The following DPAGT1 variants were observed in gnomAD, a reference collection of about 807,000 sequenced individuals.
DPAGT1 encodes the protein dolichyl-phosphate N-acetylglucosaminephosphotransferase 1, also known as UDP-N-acetylglucosamine--dolichyl-phosphate N-acetylglucosaminephosphotransferase.
In DPAGT1, 25 loss-of-function variants were observed where a neutral mutation model predicts 39.3. That is an observed-to-expected ratio of 0.64 (90% confidence interval 0.46 to 0.89). The LOEUF is 0.89. Ranked by LOEUF, DPAGT1 falls within the 40% of genes least tolerant of loss-of-function variation. The pLI is 0.00. For synonymous variants in DPAGT1, 193 were observed against 201.4 expected, an observed-to-expected ratio of 0.96 and a Z score of 0.36; for missense variants, 381 against 500.6, an observed-to-expected ratio of 0.76 and a Z score of 2.28.
At position 119,101,820 on chromosome 11, in the gene DPAGT1, C is replaced by T; in HGVS notation, c.-165G>A. 1.5e-5 allele frequency: 22 copies of T among 1,501,980 alleles called. No homozygotes were observed. Among genetic ancestry groups the T allele is most frequent in the Non-Finnish European group, 2.0e-5 (22 of 1,127,140 alleles). The allele number at this position is 1,501,980 out of a possible 1,614,324, so 93.0% of individuals were successfully genotyped here. A position where few individuals can be genotyped will look rare whatever the true frequency, so the allele number is the denominator to read the frequency against. On this transcript the variant is annotated 5_prime_UTR_variant, in exon 1 of 9. Transcript: ENST00000354202. ...ACTCTGACTTGAGCCGCCGTCGGGA[C>T]ACCGGGGAACCTCTCTAAGGCAACC...
rs908386371 is a variant in DPAGT1, at chr11:119,101,708, G to A, written c.-53C>T. 6 of 1,613,432 alleles carry A rather than the reference G, an allele frequency of 3.7e-6. No homozygotes were observed. The Admixed American group carries it at 6.7e-5, about 18-fold the overall frequency. ...CGCCTCTTCAGGTAACGGGCAAGCT[G>A]AGCAGCAGTCCTGAGGCCTCAGCAG... On this transcript the variant is annotated 5_prime_UTR_variant, in exon 1 of 9. Transcript: ENST00000354202.
In DPAGT1 at chr11:119,096,867, G is replaced by T; in HGVS notation, c.*131C>A. The T allele has an allele frequency of 9.1e-7, 1 of 1,103,242 alleles. No individual in the cohort carries two copies. The highest frequency in any genetic ancestry group is 1.3e-5 in the South Asian group (1 of 74,152). 68.3% of individuals were successfully genotyped at this position (1,103,242 alleles called of 1,614,324 possible). Reference sequence around the variant, plus strand: ...ATGATCACAGAGAAAGGAAAATGCTGAGAACAAAATCTGGAGGAGTATGAA... The same window carrying T: ...ATGATCACAGAGAAAGGAAAATGCTTAGAACAAAATCTGGAGGAGTATGAA... On this transcript the variant is annotated 3_prime_UTR_variant, in exon 9 of 9. Coordinates refer to ENST00000354202, the MANE Select transcript of DPAGT1 (RefSeq NM_001382.4).
Position 119,101,569 on chromosome 11 carries a change from G to A in DPAGT1, c.87C>T (p.Ile29=), listed in dbSNP as rs745996012. ...CAATGAAGTGGCCCCGGAAGGCCGG[G>A]ATGAGGGTGACTGTGGCCACAAATC... The part of the protein sequence containing the change: ...LLGFVATVTL[I]PAFRGHFIAA... The change falls in exon 1 of 9, where the codon ATC becomes ATT. Residue 29 remains isoleucine, a synonymous_variant. Coordinates refer to ENST00000354202, the MANE Select transcript of DPAGT1 (RefSeq NM_001382.4). 1.2e-6 allele frequency: 2 copies of A among 1,614,276 alleles called. No individual in the cohort carries two copies. The highest frequency in any genetic ancestry group is 1.7e-6 in the Non-Finnish European group (2 of 1,180,044).
At chr11:119,100,965 C>G in intron 2 of DPAGT1, 53 bp downstream of exon 2, 1 of 1,614,162 alleles carries the variant, frequency 6.2e-7, no homozygotes, top group East Asian at 2.2e-5. Flanking sequence ...CCAGTTCTCT[C>G]AGGTACCTCC....
intron 4 of DPAGT1, among the ~76,000 whole-genome samples, chr11:119,099,015 C>T (rs1040013763): frequency 3.9e-5 from 6 of 152,168 alleles, no homozygotes; most frequent in East Asian, 3.8e-4. Context: ...TTGGGAACCA[C>T]GGAATGTCTC....
At chr11:119,094,825 G>C, downstream of DPAGT1, 1 of 908,672 alleles carries the variant, frequency 1.1e-6, no homozygotes, top group Non-Finnish European at 1.6e-6. Context: ...CGAGGGGAGG[G>C]GAGGGGAAGG....
rs986527253 is a variant in DPAGT1, at chr11:119,099,231, C to T, written c.644-744G>A. ...CCTGAGGTCAGGAGTTCGAGACCAGCCTGACCAACATGGAGAAACCCCGTC... is the reference window on the plus strand; with the variant it reads ...CCTGAGGTCAGGAGTTCGAGACCAGTCTGACCAACATGGAGAAACCCCGTC... On this transcript the variant is annotated intron_variant, in intron 4 of 8. Coordinates refer to ENST00000354202, the MANE Select transcript of DPAGT1 (RefSeq NM_001382.4). Among the ~76,000 whole-genome samples, 3 of 151,888 alleles carry T rather than the reference C, an allele frequency of 2.0e-5. No individual in the cohort carries two copies. The South Asian group carries it at 6.2e-4, about 32-fold the overall frequency.
chr11:119,096,176 T>G (rs1271123605), downstream of DPAGT1, among the ~76,000 whole-genome samples: 1 of 152,176 alleles, frequency 6.6e-6, no homozygotes, highest in Non-Finnish European at 1.5e-5. Flanking sequence ...TTGCCCAGGC[T>G]GTCTTGAATT....
rs773623306 is a variant in DPAGT1 at position 119,100,380 on chromosome 11, C to A, written c.525G>T (p.Leu175=). 1.9e-6 allele frequency: 3 copies of A among 1,614,104 alleles called. No homozygotes were observed. The Admixed American group carries it at 5.0e-5, about 27-fold the overall frequency. The change falls in exon 4 of 9, where the codon CTG becomes CTT. Residue 175 remains leucine (L), a synonymous_variant. Coordinates refer to ENST00000354202, the MANE Select transcript of DPAGT1 (RefSeq NM_001382.4). The part of the protein sequence containing the change: ...LGILYYVYMG[L]LAVFCTNAIN... ...TGGCATTGGTACAGAACACTGCCAG[C>A]AGCCCCATGTAGACATAGTACAGGA...
At position 119,101,779 on chromosome 11, in the gene DPAGT1, T is replaced by C. The variant is rs1946515944; in HGVS notation, c.-124A>G. On this transcript the variant is annotated 5_prime_UTR_variant, in exon 1 of 9. Coordinates refer to ENST00000354202, the MANE Select transcript of DPAGT1 (RefSeq NM_001382.4). ...CAGGCAGGCTCTTCCCACACCAATCTGAGCAAAACCCAGCAACTCTGACTT... is the reference window on the plus strand; with the variant it reads ...CAGGCAGGCTCTTCCCACACCAATCCGAGCAAAACCCAGCAACTCTGACTT... The C allele has an allele frequency of 6.4e-7, 1 of 1,558,562 alleles. No homozygotes were observed. Among genetic ancestry groups the C allele is most frequent in the Non-Finnish European group, 8.7e-7 (1 of 1,153,666 alleles).
chr11:119,101,309 C>T, intron 1 of DPAGT1, 171 bp from the exon 2 acceptor site: 1 of 1,371,746 alleles, frequency 7.3e-7, no homozygotes, highest in African/African-American at 1.4e-5. Flanking sequence ...CCCAGATATA[C>T]CCAAGGGTCC....
chr11:119,101,289 C>A, intron 1 of DPAGT1, 151 bp from the exon 2 acceptor site: 1 of 1,365,802 alleles, frequency 7.3e-7, no homozygotes, highest in Non-Finnish European at 1.0e-6. Flanking sequence ...GAAAGCACCA[C>A]TGCCAGAGTC....
Position 119,097,293 on chromosome 11 carries a change from G to A in DPAGT1, c.1010C>T (p.Ala337Val), listed in dbSNP as rs1565762722. 6.2e-7 allele frequency: 1 copy of A among 1,614,172 alleles called. No individual in the cohort carries two copies. The highest frequency in any genetic ancestry group is 8.5e-7 in the Non-Finnish European group (1 of 1,180,040). Residue 337 changes from alanine (A) to valine (V), a missense_variant, in exon 8 of 9, where the codon GCA becomes GTA. Coordinates refer to ENST00000354202, the MANE Select transcript of DPAGT1 (RefSeq NM_001382.4). This position sits in a 1 kb window ranked among gnomAD's most constrained non-coding sequence, Gnocchi z 4.6. Reference sequence around the variant, plus strand: ...TACTGTCACCAGCTGGAGGCTCTCTGCCACCTGGAGGGACCAGAGGTGAAG... The same window carrying A: ...TACTGTCACCAGCTGGAGGCTCTCTACCACCTGGAGGGACCAGAGGTGAAG... ...SFLGTFILKV[A>V]ESLQLVTVHQ... is the part of the protein sequence containing the mutation.
chr11:119,094,850 T>C, downstream of DPAGT1: 3 of 1,139,442 alleles, frequency 2.6e-6, no homozygotes, highest in Non-Finnish European at 2.4e-6. Flanking sequence ...CGCGGCCCGC[T>C]TGCCCCGCAG....
Position 119,097,624 on chromosome 11 carries a change from C to A in DPAGT1, c.918-73G>T, listed in dbSNP as rs1353565817. ...TCCTCCCTGTGGCTAATAGGAAGAG[C>A]ATTGAATGTGGAGTCAACCTGAGAT... On this transcript the variant is annotated intron_variant, in intron 6 of 8. Coordinates refer to ENST00000354202, the MANE Select transcript of DPAGT1 (RefSeq NM_001382.4). This position sits in a 1 kb window ranked among gnomAD's most constrained non-coding sequence, Gnocchi z 4.6. 2.2e-5 allele frequency: 34 copies of A among 1,556,656 alleles called. No homozygotes were observed. In the East Asian group the frequency reaches 7.4e-4, roughly 34 times the overall value.
Position 119,101,512 on chromosome 11 carries a change from T to C in DPAGT1, c.144A>G (p.Lys48=). The change falls in exon 1 of 9, where the codon AAA becomes AAG. Residue 48 remains lysine (K), a synonymous_variant. Transcript: ENST00000354202. ...CTGCTCACATCTGCTGTCGGCTGGT[T>C]TTGTTGAGGTCCTGACCACAGAGGC... ...AARLCGQDLN[K]TSRQQIPESQ... 1 of 1,614,072 alleles carries C rather than the reference T, an allele frequency of 6.2e-7. No individual in the cohort carries two copies.
In DPAGT1 at chr11:119,096,766, G is replaced by T; in HGVS notation, c.*232C>A. On this transcript the variant is annotated 3_prime_UTR_variant, in exon 9 of 9. Transcript: ENST00000354202. ...TGCAAAGATGGGATGGAGAGGGAGAGAGTAGCAAGTTGCAGAAAGCCATAG... is the reference window on the plus strand; with the variant it reads ...TGCAAAGATGGGATGGAGAGGGAGATAGTAGCAAGTTGCAGAAAGCCATAG... 1 of 598,562 alleles carries T rather than the reference G, an allele frequency of 1.7e-6. No homozygotes were observed. Among genetic ancestry groups the T allele is most frequent in the Non-Finnish European group, 3.0e-6 (1 of 337,862 alleles). The allele number at this position is 598,562 out of a possible 1,614,324, so 37.1% of individuals were successfully genotyped here.
In DPAGT1 at chr11:119,101,139, C is replaced by G. The variant is rs1274127373; in HGVS notation, c.162-1G>C. 1 of 1,613,992 alleles carries G rather than the reference C, an allele frequency of 6.2e-7. No homozygotes were observed. The highest frequency in any genetic ancestry group is 1.7e-5 in the Admixed American group (1 of 60,018). ...GCTGATCACTCCCTGGGATTCTGGGCTGTGGCCCAGCAGCAAGGGGGCGAG... is the reference window on the plus strand; with the variant it reads ...GCTGATCACTCCCTGGGATTCTGGGGTGTGGCCCAGCAGCAAGGGGGCGAG... On this transcript the variant is annotated splice_acceptor_variant, in intron 1 of 8. Coordinates refer to ENST00000354202, the MANE Select transcript of DPAGT1 (RefSeq NM_001382.4). LOFTEE classifies it high-confidence loss of function.
rs1479536164 is a variant in DPAGT1 at position 119,101,144 on chromosome 11, G to GC, written c.162-7dup. ...TCACTCCCTGGGATTCTGGGCTGTG[G>GC]CCCAGCAGCAAGGGGGCGAGGGGGA... On this transcript the variant is annotated splice_polypyrimidine_tract_variant and splice_region_variant and intron_variant, in intron 1 of 8. Coordinates refer to ENST00000354202, the MANE Select transcript of DPAGT1 (RefSeq NM_001382.4). The GC allele has an allele frequency of 6.2e-7, 1 of 1,613,950 alleles. No homozygotes were observed. The highest frequency in any genetic ancestry group is 1.3e-5 in the African/African-American group (1 of 75,018).
Sources: allele counts gnomAD v4.1 joint callset (sites outside exome capture counted in the v4.1 genomes callset), GRCh38; gene constraint gnomAD v4.1.1; non-coding constraint Gnocchi (gnomAD v3.1); transcripts MANE v1.5; gene names NCBI Gene and HGNC (gene_info 2026-07-23, HGNC 2026-07-21).